The following MRPL16 variants were observed in gnomAD, a reference collection of about 807,000 sequenced individuals.
The protein encoded by MRPL16 is large ribosomal subunit protein uL16m.
Under a neutral mutation model 22.7 loss-of-function variants are expected in MRPL16, and 17 were observed. That is an observed-to-expected ratio of 0.75 (90% CI 0.51 to 1.12). The LOEUF (loss-of-function observed/expected upper bound fraction) is 1.12, where lower values mean the gene tolerates loss of function less well. Among genes scored for constraint, MRPL16 ranks in the 50% most tolerant of loss-of-function variants. MRPL16 has a pLI of 0.00. For missense variants in MRPL16, 316 were observed against 328.7 expected (o/e 0.96, Z 0.30); for synonymous variants, 103 against 112.8 (o/e 0.91, Z 0.55).
chr11:59,810,389 A>C, intron 1 of MRPL16: 1 of 1,393,258 alleles, frequency 7.2e-7, no homozygotes, highest in East Asian at 2.7e-5. Context: ...GCTCCGCAAA[A>C]GGCCAGCCGG....
chr11:59,807,244 G>T (rs1866116221), intron 3 of MRPL16: 2 of 188,944 alleles, frequency 1.1e-5, no homozygotes, highest in Non-Finnish European at 2.2e-5. Flanking sequence ...CAGTGGGGGT[G>T]ATTATGTAGG....
At chr11:59,807,301 A>G in intron 3 of MRPL16, 1 of 179,964 alleles carries the variant, frequency 5.6e-6, no homozygotes, top group Non-Finnish European at 1.2e-5. Context: ...CCTGGTGGAA[A>G]ACAAATCCTA....
At chr11:59,810,474 G>T (rs1026000465) in intron 1 of MRPL16, 130 bp downstream of exon 1, 5 of 1,503,364 alleles carry the variant, frequency 3.3e-6, no homozygotes, top group African/African-American at 1.4e-5. Flanking sequence ...TCGGCGGTGC[G>T]ATAGCGTAGT....
intron 1 of MRPL16, 120 bp downstream of exon 1, chr11:59,810,484 T>C: frequency 2.0e-6 from 3 of 1,536,646 alleles, no homozygotes; most frequent in South Asian, 2.4e-5. Context: ...GATAGCGTAG[T>C]TCCTAACCAG....
chr11:59,810,458 TGGA>T, intron 1 of MRPL16, 143 bp downstream of exon 1: 1 of 1,488,356 alleles, frequency 6.7e-7, no homozygotes, highest in Non-Finnish European at 9.0e-7. Flanking sequence ...ACCCCTACGG[TGGA>T]GGTCGGCGGT....
chr11:59,806,929 A>G (rs1351646100), intron 3 of MRPL16, 97 bp from the exon 4 acceptor site: 1 of 1,465,358 alleles, frequency 6.8e-7, no homozygotes, highest in Admixed American at 2.2e-5. Context: ...CTTCAATGAT[A>G]CAATTGAAAA....
At chr11:59,808,901 A>G (rs953542703) in intron 2 of MRPL16, 2 of 152,222 alleles carry the variant, frequency 1.3e-5, no homozygotes, top group African/African-American at 4.8e-5. Flanking sequence ...GAAAAAAGTT[A>G]ACATACAAAT....
chr11:59,806,704 G>A lies in MRPL16; in HGVS notation c.399C>T (p.Arg133=), dbSNP rs2135064985. 2 of 1,614,156 alleles carry A rather than the reference G, an allele frequency of 1.2e-6. No homozygotes were observed. The highest frequency in any genetic ancestry group is 4.5e-5 in the East Asian group (2 of 44,876). The stretch of plus-strand genomic sequence containing the variant: ...CCCCCATGCGATGCCCAACACTTTT[G>A]CGAGTGATGGGCTTGAAAGGGGCTG... ...RVPAPFKPIT[R]KSVGHRMGGG... is the part of the protein sequence containing the mutation. Residue 133 remains arginine, a synonymous_variant, in exon 4 of 4, where the codon CGC becomes CGT. Coordinates refer to ENST00000300151, the MANE Select transcript of MRPL16 (RefSeq NM_017840.4).
At chr11:59,807,092 G>T in intron 3 of MRPL16, 1 of 442,820 alleles carries the variant, frequency 2.3e-6, no homozygotes, top group Non-Finnish European at 4.0e-6. Flanking sequence ...ACTAGCCAAG[G>T]GAAAAGAGAG....
intron 1 of MRPL16, 155 bp downstream of exon 1, chr11:59,810,448 AC>A (rs1332667556): frequency 7.5e-6 from 11 of 1,472,634 alleles, no homozygotes; most frequent in South Asian, 1.4e-5. Flanking sequence ...TCTTGCACGA[AC>A]CCCTACGGTG....
At chr11:59,807,192 A>G (rs1489412081) in intron 3 of MRPL16, 1 of 234,602 alleles carries the variant, frequency 4.3e-6, no homozygotes, top group Admixed American at 5.1e-5. Flanking sequence ...TGGCTGGAGT[A>G]GGGTGAGGAA....
At position 59,810,455 on chromosome 11, in the gene MRPL16, C is replaced by A. The variant is rs1212067384; in HGVS notation, c.55+149G>T. On this transcript the variant is annotated intron_variant, in intron 1 of 3. Coordinates refer to ENST00000300151, the MANE Select transcript of MRPL16 (RefSeq NM_017840.4). ...TGTGACCCTCTTGCACGAACCCCTA[C>A]GGTGGAGGTCGGCGGTGCGATAGCG... is the stretch of plus-strand genomic sequence containing the variant. The A allele has an allele frequency of 3.7e-5, 55 of 1,483,444 alleles. No individual in the cohort carries two copies. The South Asian group carries it at 6.9e-4, about 19-fold the overall frequency. The allele number at this position is 1,483,444 out of a possible 1,614,324, so 91.9% of individuals were successfully genotyped here.
chr11:59,809,867 G>C lies in MRPL16; in HGVS notation c.109C>G (p.Pro37Ala), dbSNP rs1394933533. The C allele has an allele frequency of 6.2e-7, 1 of 1,613,104 alleles. No homozygotes were observed. ...GACAAGCTCTCACCTTCAAAACTTG[G>C]TACTGGGAGCAGTGTCTTTACGCCA... ...SAGVKTLLPV[P>A]SFEDVSIPEK... is the part of the protein sequence containing the mutation. Residue 37 changes from proline to alanine, a missense_variant, in exon 2 of 4, where the codon CCA (proline) becomes GCA (alanine). By Grantham distance (27) the Pro-to-Ala change is conservative (BLOSUM62 -1). Transcript: ENST00000300151.
Position 59,809,720 on chromosome 11 carries a change from G to A in MRPL16, c.121+135C>T, listed in dbSNP as rs1426000729. 1.1e-5 allele frequency: 9 copies of A among 850,044 alleles called. No homozygotes were observed. The African/African-American group carries it at 1.2e-4, about 12-fold the overall frequency. 52.7% of individuals were successfully genotyped at this position (850,044 alleles called of 1,614,324 possible). A position where few individuals can be genotyped will look rare whatever the true frequency, so the allele number is the denominator to read the frequency against. ...GCTCAGAATATTAGTTGGCAAAACT[G>A]TAAGCTCTAAAAACATATTTATTGA... On this transcript the variant is annotated intron_variant, in intron 2 of 3. Transcript: ENST00000300151.
Position 59,810,645 on chromosome 11 carries a change from A to G in MRPL16, c.14T>C (p.Leu5Pro). ...CAGGAGCGGCGCACTAGCGCGAGCC[A>G]GCAGCCTCCACATGGTCACGGGCGT... The part of the protein sequence containing the change: MWRL[L>P]ARASAPLLRV... The change falls in exon 1 of 4, where the codon CTG becomes CCG. Residue 5 changes from leucine to proline, a missense_variant. Transcript: ENST00000300151. 1.2e-6 allele frequency: 2 copies of G among 1,614,146 alleles called. No individual in the cohort carries two copies. The highest frequency in any genetic ancestry group is 2.2e-5 in the East Asian group (1 of 44,876).
At chr11:59,809,069 T>G (rs1405694952) in intron 2 of MRPL16, among the ~76,000 whole-genome samples, 2 of 152,220 alleles carry the variant, frequency 1.3e-5, no homozygotes, top group Non-Finnish European at 2.9e-5. Flanking sequence ...AGTAATGCTT[T>G]CTTTCACCTA....
chr11:59,808,788 T>G (rs1358856175), intron 2 of MRPL16: 1 of 152,208 alleles, frequency 6.6e-6, no homozygotes, highest in African/African-American at 2.4e-5. Flanking sequence ...GGACTTTTCA[T>G]GCTGAGACCT....
intron 2 of MRPL16, 48 bp downstream of exon 2, chr11:59,809,807 T>A (rs972731871): frequency 2.6e-6 from 4 of 1,533,138 alleles, no homozygotes; most frequent in Non-Finnish European, 3.6e-6. Context: ...CCGCTCCTGG[T>A]TTCCATCAGA....
intron 2 of MRPL16, 150 bp from the exon 3 acceptor site, chr11:59,807,999 G>T: frequency 1.1e-6 from 1 of 880,822 alleles, no homozygotes; most frequent in South Asian, 2.0e-5. Context: ...GCCCAGGTTG[G>T]TTTCAAACTC....
Sources: allele counts gnomAD v4.1 joint callset (sites outside exome capture counted in the v4.1 genomes callset), GRCh38; gene constraint gnomAD v4.1.1; transcripts MANE v1.5; gene names NCBI Gene and HGNC (gene_info 2026-07-23, HGNC 2026-07-21).